Variants in ADAMTS16 observed in about 807,000 individuals in gnomAD.
ADAMTS16 encodes ADAM metallopeptidase with thrombospondin type 1 motif 16.
In ADAMTS16, 94 loss-of-function variants were observed where a neutral mutation model predicts 145.8. The observed-to-expected ratio is 0.64, with a 90% CI of 0.55 to 0.77. The LOEUF is 0.77. Ranked by LOEUF, ADAMTS16 falls within the 30% of genes least tolerant of loss-of-function variation. ADAMTS16 has a pLI of 0.00. For missense variants in ADAMTS16, 1,585 were observed against 1,591.5 expected, an observed-to-expected ratio of 1.00 and a Z score of 0.07; for synonymous variants, 659 against 604.3, an observed-to-expected ratio of 1.09 and a Z score of -1.33.
chr5:5,266,665 T>C (rs185704055), intron 18 of ADAMTS16, among the ~76,000 whole-genome samples: 108 of 152,272 alleles, frequency 7.1e-4, no homozygotes, highest in African/African-American at 2.5e-3. Flanking sequence ...AACCTGGGAT[T>C]TTGGGGATGG....
chr5:5,164,192 G>A (rs1187074745), intron 3 of ADAMTS16, among the ~76,000 whole-genome samples: 3 of 152,274 alleles, frequency 2.0e-5, no homozygotes, highest in South Asian at 2.1e-4. Context: ...TTGTATGCCC[G>A]CAGCTGGGAA....
intron 17 of ADAMTS16, 66 bp downstream of exon 17, chr5:5,242,257 C>A: frequency 1.9e-6 from 3 of 1,571,812 alleles, no homozygotes; most frequent in South Asian, 1.1e-5. Context: ...GTACATTGCA[C>A]TGGCCTTTCT....
At chr5:5,291,397 G>A (rs979501238) in intron 18 of ADAMTS16, among the ~76,000 whole-genome samples, 1 of 152,112 alleles carries the variant, frequency 6.6e-6, no homozygotes, top group African/African-American at 2.4e-5. Flanking sequence ...AGGAGAAGAG[G>A]CAGGGGACAG....
chr5:5,270,456 G>T (rs957127), intron 18 of ADAMTS16, among the ~76,000 whole-genome samples: 1 of 151,984 alleles, frequency 6.6e-6, no homozygotes, highest in Admixed American at 6.5e-5. Flanking sequence ...CTAGGATAAG[G>T]TGAGGATTCC....
chr5:5,284,262 C>G (rs1043780620), intron 18 of ADAMTS16, among the ~76,000 whole-genome samples: 2 of 152,214 alleles, frequency 1.3e-5, no homozygotes, highest in Non-Finnish European at 1.5e-5. Flanking sequence ...TGGCACATTT[C>G]TACCTCTTTC....
intron 18 of ADAMTS16, among the ~76,000 whole-genome samples, chr5:5,279,918 ATTTCTC>A (rs1738836398): frequency 1.6e-4 from 7 of 43,576 alleles, no homozygotes; most frequent in Non-Finnish European, 3.3e-4. Context: ...TTCTTTCTTT[ATTTCTC>A]TTTTTCTTTC....
chr5:5,284,605 T>A (rs768712539), intron 18 of ADAMTS16, among the ~76,000 whole-genome samples: 1 of 152,230 alleles, frequency 6.6e-6, no homozygotes, highest in Non-Finnish European at 1.5e-5. Flanking sequence ...GCTGCTTCTC[T>A]GTTGCTCCAT....
At chr5:5,250,709 C>CTGTGTGTGTG (rs66744630) in intron 17 of ADAMTS16, among the ~76,000 whole-genome samples, 6 of 122,932 alleles carry the variant, frequency 4.9e-5, no homozygotes, top group African/African-American at 1.2e-4. Flanking sequence ...TCTCTTCTCT[C>CTGTGTGTGTG]TGTGTGTGTG....
At chr5:5,204,686 G>A (rs1341123418) in intron 9 of ADAMTS16, among the ~76,000 whole-genome samples, 1 of 152,122 alleles carries the variant, frequency 6.6e-6, no homozygotes, top group Non-Finnish European at 1.5e-5. Flanking sequence ...TCATTCTGTT[G>A]GTGATAGACA....
intron 21 of ADAMTS16, among the ~76,000 whole-genome samples, chr5:5,316,855 C>T (rs1219148689): frequency 1.3e-5 from 2 of 152,190 alleles, no homozygotes; most frequent in African/African-American, 4.8e-5. Context: ...CCCTGAAGGG[C>T]ACTACTTCTT....
intron 11 of ADAMTS16, among the ~76,000 whole-genome samples, chr5:5,230,392 G>A (rs1198579259): frequency 6.6e-6 from 1 of 152,180 alleles, no homozygotes; most frequent in Admixed American, 6.5e-5. Context: ...ATTAAGGAAT[G>A]ATTGTAGGTT....
At chr5:5,157,314 A>C (rs1288745662) in intron 3 of ADAMTS16, among the ~76,000 whole-genome samples, 4 of 152,044 alleles carry the variant, frequency 2.6e-5, no homozygotes, top group African/African-American at 9.7e-5. Flanking sequence ...TTCATATTTA[A>C]TTGATAACAA....
chr5:5,319,376 C>CA lies in ADAMTS16; in HGVS notation c.*239dup, dbSNP rs34134306. 50,574 of 517,196 alleles carry CA rather than the reference C, an allele frequency of 0.098. 2,795 individuals carry two copies. Among genetic ancestry groups the CA allele is most frequent in the East Asian group, 0.13 (3,800 of 29,122 alleles). The allele number at this position is 517,196 out of a possible 1,614,324, so 32.0% of individuals were successfully genotyped here. On this transcript the variant is annotated 3_prime_UTR_variant, in exon 23 of 23. Transcript: ENST00000274181. The stretch of plus-strand genomic sequence containing the variant: ...GGCTGAAATGTGGCACCCTGGCAGA[C>CA]AGAGCTGTGGCTCGTGAGGCAGAAG...
chr5:5,160,692 A>G (rs1363833614), intron 3 of ADAMTS16, among the ~76,000 whole-genome samples: 1 of 151,672 alleles, frequency 6.6e-6, no homozygotes, highest in African/African-American at 2.4e-5. Context: ...ACAAGTTTAC[A>G]TTTACTTAAA....
At chr5:5,298,884 A>G (rs1160280060) in intron 18 of ADAMTS16, among the ~76,000 whole-genome samples, 1 of 152,182 alleles carries the variant, frequency 6.6e-6, no homozygotes, top group Non-Finnish European at 1.5e-5. Context: ...AGTCAGTGAC[A>G]CGAATGGTTT....
At chr5:5,281,803 T>C (rs1255037276) in intron 18 of ADAMTS16, among the ~76,000 whole-genome samples, 3 of 152,232 alleles carry the variant, frequency 2.0e-5, no homozygotes, top group Non-Finnish European at 2.9e-5. Flanking sequence ...TATGAAAGTG[T>C]ATTTCACAGA....
In ADAMTS16 at chr5:5,319,139, G is replaced by A. The variant is rs763749020; in HGVS notation, c.*1G>A. The stretch of plus-strand genomic sequence containing the variant: ...GACTTGCTCTAAGTCCAACTTGTGA[G>A]TTGGGACCGCTCTCCGTAGCAGAGA... On this transcript the variant is annotated 3_prime_UTR_variant, in exon 23 of 23. Transcript: ENST00000274181. 1 of 1,604,916 alleles carries A rather than the reference G, an allele frequency of 6.2e-7. No homozygotes were observed. Among genetic ancestry groups the A allele is most frequent in the South Asian group, 1.1e-5 (1 of 89,496 alleles).
At chr5:5,219,878 C>A (rs1031288584) in intron 10 of ADAMTS16, among the ~76,000 whole-genome samples, 1 of 152,184 alleles carries the variant, frequency 6.6e-6, no homozygotes, top group African/African-American at 2.4e-5. Context: ...AGTATTTATT[C>A]TGCAAAATGC....
chr5:5,180,442 G>T (rs1735309683), intron 3 of ADAMTS16, among the ~76,000 whole-genome samples: 1 of 152,144 alleles, frequency 6.6e-6, no homozygotes, highest in Non-Finnish European at 1.5e-5. Context: ...TATTTTAAAA[G>T]AATGGATGCA....
Sources: gnomAD v4.1 joint callset for allele counts (sites outside exome capture counted in the v4.1 genomes callset) on GRCh38, gnomAD v4.1.1 for gene constraint, MANE v1.5 for transcripts, NCBI Gene and HGNC (gene_info 2026-07-23, HGNC 2026-07-21) for gene names.